The following CELF2 variants were observed in gnomAD, a reference collection of about 807,000 sequenced individuals.
The protein encoded by CELF2 is CUGBP Elav-like family member 2.
A neutral mutation model predicts 62.6 loss-of-function variants in CELF2; 8 were observed. That is an observed-to-expected ratio of 0.13 (90% CI 0.07 to 0.23). The LOEUF is 0.23. CELF2 is among the 10% of genes least tolerant of loss of function. The pLI, the probability that CELF2 is intolerant of heterozygous loss-of-function variation, is 1.00. For synonymous variants in CELF2, 258 were observed against 250.0 expected (o/e 1.03, Z -0.30); for missense variants, 333 against 671.0 (o/e 0.50, Z 5.56).
chr10:11,142,820 G>T (rs920122242), intron 1 of CELF2, among the ~76,000 whole-genome samples: 30 of 152,178 alleles, frequency 2.0e-4, no homozygotes, highest in Non-Finnish European at 4.3e-4. Flanking sequence ...AAGTCGTAAG[G>T]CCAGGTAGTT....
At chr10:10,621,003 C>A in the CELF2 span, among the ~76,000 whole-genome samples, 1 of 146,830 alleles carries the variant, frequency 6.8e-6, no homozygotes, top group African/African-American at 2.5e-5. Flanking sequence ...GCGGGCAGAT[C>A]AAGAGGTCAG....
chr10:11,289,325 A>C (rs2092090237), intron 9 of CELF2, among the ~76,000 whole-genome samples: 1 of 152,162 alleles, frequency 6.6e-6, no homozygotes, highest in South Asian at 2.1e-4. Flanking sequence ...TAACTTTCAA[A>C]ATCCCATGAC....
chr10:11,188,305 A>G (rs982878793), intron 2 of CELF2, among the ~76,000 whole-genome samples: 1 of 152,172 alleles, frequency 6.6e-6, no homozygotes, highest in African/African-American at 2.4e-5. Context: ...GGGTTTCTCC[A>G]TGTTAGTCAG....
At chr10:11,042,400 C>T (rs1564488821) in intron 1 of CELF2, among the ~76,000 whole-genome samples, 1 of 152,208 alleles carries the variant, frequency 6.6e-6, no homozygotes, top group African/African-American at 2.4e-5. Context: ...TGAACGGTCT[C>T]TCTTGACTTT....
intron 2 of CELF2, chr10:10,946,191 G>T (rs1188337104): frequency 6.6e-6 from 1 of 152,608 alleles, no homozygotes; most frequent in Non-Finnish European, 1.5e-5. Flanking sequence ...ATGGCCTCTG[G>T]CTCATAATGG....
At chr10:10,760,828 T>C in the CELF2 span, among the ~76,000 whole-genome samples, 1 of 152,106 alleles carries the variant, frequency 6.6e-6, no homozygotes, top group Non-Finnish European at 1.5e-5. Context: ...GAGAAAAAAC[T>C]CCTGGCAGGG....
Position 10,881,224 on chromosome 10 carries a change from GA to G in CELF2, c.54-38738del, listed in dbSNP as rs369157922. On this transcript the variant is annotated intron_variant, in intron 1 of 13. Coordinates refer to the CELF2 transcript ENST00000636488. ...TTTTGATTCATCTCACTTATCACTG[GA>G]ATAAATTTACATACATTTTCAGAAC... Among the ~76,000 whole-genome samples the G allele has an allele frequency of 5.4e-3, 823 of 152,186 alleles. 9 individuals are homozygous for G. Among genetic ancestry groups the G allele is most frequent in the African/African-American group, 0.019 (770 of 41,520 alleles).
the CELF2 span, among the ~76,000 whole-genome samples, chr10:10,791,701 C>T: frequency 0.025 from 3,737 of 152,138 alleles, 154 homozygotes; most frequent in African/African-American, 0.085. Context: ...TTGGGGAATA[C>T]GTTTTATCAC....
intron 12 of CELF2, among the ~76,000 whole-genome samples, chr10:11,326,619 G>A (rs1022321361): frequency 2.6e-5 from 4 of 152,170 alleles, no homozygotes; most frequent in African/African-American, 9.7e-5. Flanking sequence ...TAGGGAGGAA[G>A]GGATGCTCAC....
the CELF2 span, among the ~76,000 whole-genome samples, chr10:10,706,962 T>C: frequency 7.2e-5 from 11 of 152,234 alleles, no homozygotes; most frequent in Admixed American, 7.2e-4. Context: ...CCTTTAATGT[T>C]ACAAGCATGA....
At chr10:10,994,433 C>T (rs576685499) in intron 2 of CELF2, among the ~76,000 whole-genome samples, 2 of 152,302 alleles carry the variant, frequency 1.3e-5, no homozygotes, top group African/African-American at 4.8e-5. Flanking sequence ...GATTCCTTTG[C>T]CTGATTTACA....
At chr10:11,193,361 A>G (rs887079824) in intron 2 of CELF2, among the ~76,000 whole-genome samples, 1 of 152,264 alleles carries the variant, frequency 6.6e-6, no homozygotes, top group Non-Finnish European at 1.5e-5. Flanking sequence ...CCTGTAAGAA[A>G]TCACACATTT....
intron 1 of CELF2, among the ~76,000 whole-genome samples, chr10:11,127,177 G>C (rs2058847398): frequency 6.6e-6 from 1 of 152,124 alleles, no homozygotes; most frequent in African/African-American, 2.4e-5. Context: ...AGTTTGCTCA[G>C]AATGATGGTT....
At chr10:10,703,830 T>A in the CELF2 span, among the ~76,000 whole-genome samples, 1 of 152,258 alleles carries the variant, frequency 6.6e-6, no homozygotes, top group Non-Finnish European at 1.5e-5. Context: ...TGCATGTAAC[T>A]AAGTTAGACC....
intron 2 of CELF2, among the ~76,000 whole-genome samples, chr10:10,994,066 T>C (rs2053697718): frequency 6.6e-6 from 1 of 152,206 alleles, no homozygotes; most frequent in Non-Finnish European, 1.5e-5. Context: ...TGGTATATTA[T>C]CACAGCTGCC....
intron 1 of CELF2, among the ~76,000 whole-genome samples, chr10:11,081,848 T>G (rs536590775): frequency 1.3e-5 from 2 of 152,368 alleles, no homozygotes; most frequent in East Asian, 3.9e-4. Flanking sequence ...CATTCATCAC[T>G]TAGGGATGTA....
In CELF2 at chr10:11,302,735, C is replaced by T. The variant is rs2093883207; in HGVS notation, c.977-11404C>T. Among the ~76,000 whole-genome samples the T allele has an allele frequency of 6.6e-6, 1 of 152,138 alleles. No homozygotes were observed. Among genetic ancestry groups the T allele is most frequent in the African/African-American group, 2.4e-5 (1 of 41,432 alleles). On this transcript the variant is annotated intron_variant, in intron 9 of 12. Transcript: ENST00000633077. This position sits in a 1 kb window ranked among gnomAD's most constrained non-coding sequence, Gnocchi z 5.0. Reference sequence around the variant, plus strand: ...AAGTAAAAGCTGTTTCCATTTTAAGCTTAATGGGGCTTGTATTTATGTCGA... The same window carrying T: ...AAGTAAAAGCTGTTTCCATTTTAAGTTTAATGGGGCTTGTATTTATGTCGA...
Position 10,990,464 on chromosome 10 carries a change from A to G in CELF2, c.89+70465A>G, listed in dbSNP as rs1261129621. Reference sequence around the variant, plus strand: ...TTTCTGAGCATTATTATGAGCATGAATTGCTTTTGTAATCATTAAAAACAA... The same window carrying G: ...TTTCTGAGCATTATTATGAGCATGAGTTGCTTTTGTAATCATTAAAAACAA... On this transcript the variant is annotated intron_variant, in intron 2 of 13. Transcript: ENST00000636488. This position sits in a 1 kb window ranked among gnomAD's most constrained non-coding sequence, Gnocchi z 4.6. Among the ~76,000 whole-genome samples, 1 of 152,142 alleles carries G rather than the reference A, an allele frequency of 6.6e-6. No homozygotes were observed. The highest frequency in any genetic ancestry group is 2.4e-5 in the African/African-American group (1 of 41,448).
At chr10:10,715,305 C>G in the CELF2 span, among the ~76,000 whole-genome samples, 2 of 152,134 alleles carry the variant, frequency 1.3e-5, no homozygotes, top group African/African-American at 4.8e-5. Context: ...TTACTAGCTC[C>G]ATAGAATTTT....
Sources: allele counts gnomAD v4.1 joint callset (sites outside exome capture counted in the v4.1 genomes callset), GRCh38; gene constraint gnomAD v4.1.1; non-coding constraint Gnocchi (gnomAD v3.1); transcripts MANE v1.5; gene names NCBI Gene and HGNC (gene_info 2026-07-23, HGNC 2026-07-21).